The following ULK4 variants were observed in gnomAD, a reference collection of about 807,000 sequenced individuals.
The protein encoded by ULK4 is unc-51 like kinase 4.
Under a neutral mutation model 160.6 loss-of-function variants are expected in ULK4, and 133 were observed. That is an observed-to-expected ratio of 0.83 (90% CI 0.72 to 0.96). The LOEUF (loss-of-function observed/expected upper bound fraction) is 0.96. Among genes scored for constraint, ULK4 ranks in the 40% least tolerant of loss-of-function variants. The pLI is 0.00. For missense variants in ULK4, 1,580 were observed against 1,499.5 expected (o/e 1.05, Z -0.89); for synonymous variants, 534 against 539.8 (o/e 0.99, Z 0.15).
Position 41,808,237 on chromosome 3 carries a change from T to A in ULK4, c.1849-7944A>T, listed in dbSNP as rs182310101. On this transcript the variant is annotated intron_variant, in intron 19 of 36. Transcript: ENST00000301831. ...ATTTCTTATGAAGTTCTAAAATCTTTTTCCTGACTGTAGGGGGGAAATGAG... is the reference window on the plus strand; with the variant it reads ...ATTTCTTATGAAGTTCTAAAATCTTATTCCTGACTGTAGGGGGGAAATGAG... Among the ~76,000 whole-genome samples the A allele has an allele frequency of 2.4e-3, 367 of 152,328 alleles. 1 individual carries two copies. Among genetic ancestry groups the A allele is most frequent in the African/African-American group, 7.9e-3 (327 of 41,584 alleles).
chr3:41,784,588 ATCT>A (rs769172230), intron 21 of ULK4, among the ~76,000 whole-genome samples: 2 of 152,208 alleles, frequency 1.3e-5, no homozygotes, highest in African/African-American at 2.4e-5. Flanking sequence ...GGATAAAGGA[ATCT>A]TCTTCTATTA....
chr3:41,737,244 T>C (rs905583706), intron 22 of ULK4, among the ~76,000 whole-genome samples: 3 of 151,934 alleles, frequency 2.0e-5, no homozygotes, highest in Admixed American at 6.6e-5. Flanking sequence ...AGCCAAATCA[T>C]GAGTGAACTC....
intron 17 of ULK4, among the ~76,000 whole-genome samples, chr3:41,881,856 T>C (rs982479715): frequency 6.6e-6 from 1 of 152,140 alleles, no homozygotes; most frequent in African/African-American, 2.4e-5. Context: ...AGGAATACAA[T>C]GTCAACAAAG....
At chr3:41,498,269 G>A (rs2085063229) in intron 32 of ULK4, among the ~76,000 whole-genome samples, 1 of 152,176 alleles carries the variant, frequency 6.6e-6, no homozygotes, top group African/African-American at 2.4e-5. Context: ...ATCCTCAAAT[G>A]TTTGGGAATT....
At chr3:41,868,206 ATT>A (rs1189728852) in intron 17 of ULK4, among the ~76,000 whole-genome samples, 3 of 152,154 alleles carry the variant, frequency 2.0e-5, no homozygotes, top group Non-Finnish European at 4.4e-5. Context: ...ACAATAATGA[ATT>A]TGTCATTATC....
chr3:41,691,130 A>G (rs1346428756), intron 27 of ULK4, among the ~76,000 whole-genome samples: 1 of 151,944 alleles, frequency 6.6e-6, no homozygotes, highest in Non-Finnish European at 1.5e-5. Context: ...AAAATGGCAG[A>G]GTTTGGTATA....
chr3:41,326,799 G>A (rs991119433), intron 35 of ULK4, among the ~76,000 whole-genome samples: 2 of 152,170 alleles, frequency 1.3e-5, no homozygotes, highest in African/African-American at 4.8e-5. Context: ...CACTTTCAGA[G>A]GGACACAGTA....
intron 35 of ULK4, among the ~76,000 whole-genome samples, chr3:41,308,911 A>G (rs2079997909): frequency 6.6e-6 from 1 of 152,212 alleles, no homozygotes; most frequent in African/African-American, 2.4e-5. Flanking sequence ...AGTGAAGGAA[A>G]ATATGTATAA....
chr3:41,556,206 T>C lies in ULK4; in HGVS notation c.3226+9819A>G, dbSNP rs149043202. 3.9e-4 allele frequency among the ~76,000 whole-genome samples: 59 copies of C among 152,240 alleles called. 1 individual carries two copies. The East Asian group carries it at 9.8e-3, about 25-fold the overall frequency. On this transcript the variant is annotated intron_variant, in intron 32 of 36. Transcript: ENST00000301831. ...GTTTTTAAAAAGCACAAATACATTA[T>C]ATAAGAAATGGTAATGGGGCAGTAA...
intron 22 of ULK4, among the ~76,000 whole-genome samples, chr3:41,739,761 C>G: frequency 6.6e-6 from 1 of 151,902 alleles, no homozygotes; most frequent in East Asian, 1.9e-4. Context: ...CCACCCAGGG[C>G]TTGCTCAATG....
chr3:41,394,301 A>C (rs976387831), intron 35 of ULK4, among the ~76,000 whole-genome samples: 46 of 152,156 alleles, frequency 3.0e-4, no homozygotes, highest in African/African-American at 1.1e-3. Context: ...TCAGTCCAGA[A>C]GCATGAGACA....
chr3:41,678,177 TACACACACACACAC>T (rs752843326), intron 29 of ULK4, among the ~76,000 whole-genome samples: 329 of 123,134 alleles, frequency 2.7e-3, no homozygotes, highest in African/African-American at 3.3e-3. Flanking sequence ...CTTTATTTCA[TACACACACACACAC>T]ACACACACAC....
intron 30 of ULK4, among the ~76,000 whole-genome samples, chr3:41,647,955 G>A (rs944482133): frequency 6.6e-6 from 1 of 152,176 alleles, no homozygotes; most frequent in Non-Finnish European, 1.5e-5. Context: ...TCAGACTGCT[G>A]TGCTAGCAAT....
chr3:41,486,124 T>C (rs954052893), intron 32 of ULK4, among the ~76,000 whole-genome samples: 3 of 152,136 alleles, frequency 2.0e-5, no homozygotes, highest in Admixed American at 2.0e-4. Context: ...ATCAAGCATG[T>C]GCACGTATCT....
At chr3:41,784,489 T>A (rs1037456532) in intron 21 of ULK4, among the ~76,000 whole-genome samples, 1 of 152,214 alleles carries the variant, frequency 6.6e-6, no homozygotes, top group African/African-American at 2.4e-5. Flanking sequence ...GGTGGTTTTT[T>A]ACTTTGATTT....
intron 35 of ULK4, chr3:41,260,042 C>T (rs956439362): frequency 2.6e-5 from 4 of 152,170 alleles, no homozygotes; most frequent in African/African-American, 9.7e-5. Flanking sequence ...AAGCAGGTAA[C>T]TATGATAACT....
intron 35 of ULK4, among the ~76,000 whole-genome samples, chr3:41,344,290 A>C (rs2080751276): frequency 6.6e-6 from 1 of 152,220 alleles, no homozygotes; most frequent in Admixed American, 6.5e-5. Flanking sequence ...GAAAATTAAA[A>C]CTGGACCTTT....
At chr3:41,895,011 G>C (rs574294230) in intron 16 of ULK4, among the ~76,000 whole-genome samples, 1 of 152,296 alleles carries the variant, frequency 6.6e-6, no homozygotes, top group South Asian at 2.1e-4. Flanking sequence ...GAAGCTATGT[G>C]CTACATGAGG....
chr3:41,812,650 T>G (rs952458475), intron 19 of ULK4, among the ~76,000 whole-genome samples: 1 of 152,150 alleles, frequency 6.6e-6, no homozygotes, highest in Non-Finnish European at 1.5e-5. Flanking sequence ...GTGTTCGCTA[T>G]TTAAAAAAAC....
Sources: allele counts gnomAD v4.1 joint callset (sites outside exome capture counted in the v4.1 genomes callset), GRCh38; gene constraint gnomAD v4.1.1; transcripts MANE v1.5; gene names NCBI Gene and HGNC (gene_info 2026-07-23, HGNC 2026-07-21).